MX1: variants seen among roughly 807,000 people sequenced by gnomAD.
The protein encoded by MX1 is MX dynamin like GTPase 1.
A neutral mutation model predicts 66.4 loss-of-function variants in MX1; 66 were observed. The observed-to-expected ratio is 0.99, with a 90% CI of 0.82 to 1.22. MX1 has a LOEUF of 1.22. Ranked by LOEUF, MX1 falls within the 50% of genes most tolerant of loss-of-function variation. The probability of loss-of-function intolerance (pLI) is 0.00; values close to 1 mark genes in which losing one functional copy is unlikely to be tolerated. For missense variants in MX1, 787 were observed against 834.3 expected (o/e 0.94, Z 0.70); for synonymous variants, 311 against 318.1 (o/e 0.98, Z 0.24).
rs974030233 is a variant in MX1 at position 41,443,781 on chromosome 21, C to T, written c.930-7C>T. On this transcript the variant is annotated splice_region_variant and splice_polypyrimidine_tract_variant and intron_variant, in intron 10 of 16. Transcript: ENST00000398598. ...AAGGTGGAAATCGGTCCTGTGTTCTCTTCTAGGGATCTGCTGGAGGAAGGA... is the reference window on the plus strand; with the variant it reads ...AAGGTGGAAATCGGTCCTGTGTTCTTTTCTAGGGATCTGCTGGAGGAAGGA... 3 of 1,614,166 alleles carry T rather than the reference C, an allele frequency of 1.9e-6. No homozygotes were observed. The Admixed American group carries it at 5.0e-5, about 27-fold the overall frequency.
chr21:41,445,792 CTGT>C, intron 12 of MX1: 1 of 820,288 alleles, frequency 1.2e-6, no homozygotes, highest in Non-Finnish European at 1.9e-6. Flanking sequence ...TGTGCCTACT[CTGT>C]CACGAGCATC....
At chr21:41,421,594 A>C (rs959112811), upstream of MX1, among the ~76,000 whole-genome samples, 1 of 152,210 alleles carries the variant, frequency 6.6e-6, no homozygotes, top group Admixed American at 6.5e-5. Context: ...GATGACTCTT[A>C]AGGAGCATGC....
rs577667283 is a variant in MX1 at position 41,432,947 on chromosome 21, T to A, written c.105+772T>A. ...TTTCCACCACCCTGATACCACCGTT[T>A]ACATTTTTCTGCATTTCCGTCCCTG... On this transcript the variant is annotated intron_variant, in intron 5 of 16. Coordinates refer to ENST00000398598, the MANE Select transcript of MX1 (RefSeq NM_002462.5). Among the ~76,000 whole-genome samples the A allele has an allele frequency of 7.5e-4, 114 of 152,326 alleles. 1 individual carries two copies. Among genetic ancestry groups the A allele is most frequent in the South Asian group, 6.6e-3 (32 of 4,830 alleles).
At chr21:41,442,104 A>C (rs2090538569) in intron 10 of MX1, among the ~76,000 whole-genome samples, 190 bp downstream of exon 10, 1 of 151,974 alleles carries the variant, frequency 6.6e-6, no homozygotes. Flanking sequence ...GAAGAATAGG[A>C]AGGGGATTAC....
At chr21:41,452,527 G>T in intron 15 of MX1, 94 bp from the exon 16 acceptor site, 1 of 1,387,056 alleles carries the variant, frequency 7.2e-7, no homozygotes, top group South Asian at 1.4e-5. Context: ...ACTCACGTTG[G>T]GTAACCTGGT....
intron 16 of MX1, among the ~76,000 whole-genome samples, chr21:41,456,116 T>C (rs563439360): frequency 1.3e-5 from 2 of 152,256 alleles, no homozygotes; most frequent in African/African-American, 4.8e-5. Context: ...TGGTGGCCCA[T>C]GCCTATAGTC....
chr21:41,458,652 G>A lies in MX1; in HGVS notation c.1883G>A (p.Trp628Ter). The change falls in exon 17 of 17, where the codon TGG becomes TAG. Residue 628 changes from tryptophan to a stop codon, truncating the protein, a stop_gained. Coordinates refer to ENST00000398598, the MANE Select transcript of MX1 (RefSeq NM_002462.5). LOFTEE classifies it low-confidence loss of function (END_TRUNC). ...CTGCAGGACAAGGACACCTACAGCT[G>A]GCTCCTGAAGGAGCGGAGCGACACC... ...QLLQDKDTYS[W>*]LLKERSDTSD... 6.2e-7 allele frequency: 1 copy of A among 1,614,246 alleles called. No individual in the cohort carries two copies. Among genetic ancestry groups the A allele is most frequent in the Non-Finnish European group, 8.5e-7 (1 of 1,180,048 alleles).
Position 41,452,659 on chromosome 21 carries a change from A to C in MX1, c.1548A>C (p.Glu516Asp), listed in dbSNP as rs757430322. ...IEDIRAEQER[E>D]GEKLIRLHFQ... Reference sequence around the variant, plus strand: ...ACATTAGAGCAGAACAAGAGAGAGAAGGTGAGAAGCTGATCCGCCTCCACT... The same window carrying C: ...ACATTAGAGCAGAACAAGAGAGAGACGGTGAGAAGCTGATCCGCCTCCACT... Residue 516 changes from glutamate (E) to aspartate (D), a missense_variant, in exon 16 of 17, where the codon GAA becomes GAC. Physicochemically the swap from Glu to Asp is conservative, Grantham distance 45. Coordinates refer to ENST00000398598, the MANE Select transcript of MX1 (RefSeq NM_002462.5). 6.2e-7 allele frequency: 1 copy of C among 1,614,164 alleles called. No homozygotes were observed. The highest frequency in any genetic ancestry group is 1.1e-5 in the South Asian group (1 of 91,078).
rs568009685 is a variant in MX1, at chr21:41,440,373, G to A, written c.592-514G>A. Among the ~76,000 whole-genome samples the A allele has an allele frequency of 4.6e-5, 7 of 152,224 alleles. 1 individual carries two copies. Among genetic ancestry groups the A allele is most frequent in the Admixed American group, 1.3e-4 (2 of 15,296 alleles). ...TAAAAAATTAGCCAGGTATGGTGGC[G>A]TGCACCTGTCAGCTACTAGGAGGAT... On this transcript the variant is annotated intron_variant, in intron 8 of 16. Transcript: ENST00000398598.
intron 11 of MX1, 28 bp downstream of exon 11, chr21:41,443,894 C>G (rs891421268): frequency 2.5e-6 from 4 of 1,607,582 alleles, no homozygotes; most frequent in Non-Finnish European, 1.7e-6. Context: ...TGTGGGTTCT[C>G]TAAAAAGAAT....
At chr21:41,421,109 G>C (rs1601448616) in intron 1 of MX1, among the ~76,000 whole-genome samples, 1 of 152,232 alleles carries the variant, frequency 6.6e-6, no homozygotes, top group South Asian at 2.1e-4. Flanking sequence ...AGTGGGGAGA[G>C]AGTCAGCAGA....
Position 41,441,889 on chromosome 21 carries a change from T to A in MX1, c.904T>A (p.Phe302Ile). 6.2e-7 allele frequency: 1 copy of A among 1,614,154 alleles called. No individual in the cohort carries two copies. Among genetic ancestry groups the A allele is most frequent in the East Asian group, 2.2e-5 (1 of 44,882 alleles). ...LSEALQREKI[F>I]FENHPYFRDL... ...CGAAGCCCTGCAGAGAGAGAAGATC[T>A]TCTTTGAGAACCACCCATATTTCAG... Residue 302 changes from phenylalanine (F) to isoleucine (I), a missense_variant, in exon 10 of 17, where the codon TTC (phenylalanine) becomes ATC (isoleucine). By Grantham distance (21) the Phe-to-Ile change is conservative. Coordinates refer to ENST00000398598, the MANE Select transcript of MX1 (RefSeq NM_002462.5). The surrounding 1 kb of genome is among the most constrained non-coding windows in gnomAD (Gnocchi z 4.0).
intron 15 of MX1, among the ~76,000 whole-genome samples, chr21:41,452,053 T>A (rs2090846365): frequency 6.6e-6 from 1 of 151,978 alleles, no homozygotes; most frequent in Middle Eastern, 3.2e-3. Context: ...TCCTCATTCA[T>A]AAAAGAAGAC....
chr21:41,445,417 A>G (rs1396439776), intron 11 of MX1, 31 bp from the exon 12 acceptor site: 3 of 1,612,652 alleles, frequency 1.9e-6, no homozygotes, highest in Middle Eastern at 1.6e-4. Context: ...ATCTTTACAC[A>G]TTTCCATTAT....
chr21:41,442,717 T>C lies in MX1; in HGVS notation c.929+803T>C, dbSNP rs367601628. 3.3e-5 allele frequency: 5 copies of C among 152,220 alleles called. No individual in the cohort carries two copies. In the East Asian group the frequency reaches 5.8e-4, roughly 18 times the overall value. 9.4% of individuals were successfully genotyped at this position (152,220 alleles called of 1,614,324 possible). A position where few individuals can be genotyped will look rare whatever the true frequency, so the allele number is the denominator to read the frequency against. On this transcript the variant is annotated intron_variant, in intron 10 of 16. Coordinates refer to ENST00000398598, the MANE Select transcript of MX1 (RefSeq NM_002462.5). ...AGAAGATGAGATGATTCAGTGTCCA[T>C]TGATGGATGGATGCAGAAAGCAATG...
Position 41,439,857 on chromosome 21 carries a change from T to C in MX1, c.591+9T>C. 6.3e-7 allele frequency: 1 copy of C among 1,597,920 alleles called. No individual in the cohort carries two copies. The highest frequency in any genetic ancestry group is 8.5e-7 in the Non-Finnish European group (1 of 1,170,710). ...CTGACATTGGGTATAAGGTCAGACT[T>C]CAGACCCATTCTGACCTTGGCCGTG... On this transcript the variant is annotated intron_variant, in intron 8 of 16. Transcript: ENST00000398598.
intron 4 of MX1, among the ~76,000 whole-genome samples, chr21:41,431,526 G>A (rs1410715179): frequency 6.6e-6 from 1 of 150,762 alleles, no homozygotes; most frequent in East Asian, 2.0e-4. Context: ...CCCAGACTGG[G>A]GTGCAGTGGC....
upstream of MX1, among the ~76,000 whole-genome samples, chr21:41,423,898 G>T (rs2090017797): frequency 6.6e-6 from 1 of 152,226 alleles, no homozygotes; most frequent in Admixed American, 6.5e-5. Context: ...TGTGTGTGCT[G>T]TGTTTCCTGG....
Position 41,452,799 on chromosome 21 carries a change from C to G in MX1, c.1688C>G (p.Ala563Gly). 6.2e-7 allele frequency: 1 copy of G among 1,614,160 alleles called. No homozygotes were observed. Among genetic ancestry groups the G allele is most frequent in the Non-Finnish European group, 8.5e-7 (1 of 1,180,034 alleles). Residue 563 changes from alanine to glycine, a missense_variant, in exon 16 of 17, where the codon GCT becomes GGT. By Grantham distance (60) the Ala-to-Gly change is moderately conservative. Coordinates refer to ENST00000398598, the MANE Select transcript of MX1 (RefSeq NM_002462.5). ...EKKKKSWDFG[A>G]FQSSSATDSS... ...AAGAAGAAATCCTGGGATTTTGGGG[C>G]TTTCCAGTCCAGCTCGGCAACAGAC...
Sources: allele counts gnomAD v4.1 joint callset (sites outside exome capture counted in the v4.1 genomes callset), GRCh38; gene constraint gnomAD v4.1.1; non-coding constraint Gnocchi (gnomAD v3.1); transcripts MANE v1.5; gene names NCBI Gene and HGNC (gene_info 2026-07-23, HGNC 2026-07-21).